DAAM1: variants seen among roughly 807,000 people sequenced by gnomAD.
DAAM1 encodes the protein disheveled-associated activator of morphogenesis 1.
Under a neutral mutation model 130.0 loss-of-function variants are expected in DAAM1, and 52 were observed. The observed-to-expected ratio is 0.40, with a 90% CI of 0.32 to 0.50. DAAM1 has a LOEUF of 0.50. Ranked by LOEUF, DAAM1 falls within the 20% of genes least tolerant of loss-of-function variation. The probability of loss-of-function intolerance (pLI) is 0.61; values close to 1 mark genes in which losing one functional copy is unlikely to be tolerated. For synonymous variants in DAAM1, 452 were observed against 444.5 expected (o/e 1.02, Z -0.21); for missense variants, 1,134 against 1,303.8 (o/e 0.87, Z 2.01).
intron 3 of DAAM1, among the ~76,000 whole-genome samples, chr14:59,309,831 C>T (rs1395378995): frequency 6.6e-6 from 1 of 152,162 alleles, no homozygotes; most frequent in Non-Finnish European, 1.5e-5. Flanking sequence ...CAAGGCCGCC[C>T]ACAAATATTT....
At chr14:59,237,865 A>G (rs1889349958) in intron 1 of DAAM1, among the ~76,000 whole-genome samples, 2 of 152,332 alleles carry the variant, frequency 1.3e-5, no homozygotes, top group Admixed American at 1.3e-4. Context: ...TGATATATTC[A>G]TAACTTGCTT....
In DAAM1 at chr14:59,330,705, A is replaced by G. The variant is rs1396250607; in HGVS notation, c.1560+17A>G. On this transcript the variant is annotated intron_variant, in intron 13 of 24. Coordinates refer to ENST00000360909, the MANE Select transcript of DAAM1 (RefSeq NM_001270520.2). ...CTCAGCAGGGTGAGGTCTTCCGCTC[A>G]GCTCACGGGCAGCTGCCAAGGCCTC... The G allele has an allele frequency of 1.9e-6, 3 of 1,589,758 alleles. No individual in the cohort carries two copies. The highest frequency in any genetic ancestry group is 2.6e-6 in the Non-Finnish European group (3 of 1,169,706).
At position 59,345,910 on chromosome 14, in the gene DAAM1, A is replaced by G. The variant is rs146545423; in HGVS notation, c.2076-1629A>G. On this transcript the variant is annotated intron_variant, in intron 16 of 24. Coordinates refer to ENST00000360909, the MANE Select transcript of DAAM1 (RefSeq NM_001270520.2). Reference sequence around the variant, plus strand: ...GGGTATGACAGTGCTTTGGAAAGTGATCATAATTACCATACTAAGCACTGT... The same window carrying G: ...GGGTATGACAGTGCTTTGGAAAGTGGTCATAATTACCATACTAAGCACTGT... Among the ~76,000 whole-genome samples the G allele has an allele frequency of 4.6e-5, 7 of 152,320 alleles. No homozygotes were observed. In the East Asian group the frequency reaches 1.3e-3, roughly 29 times the overall value.
intron 23 of DAAM1, 37 bp from the exon 24 acceptor site, chr14:59,367,392 A>G (rs1227278344): frequency 6.4e-7 from 1 of 1,561,870 alleles, no homozygotes; most frequent in African/African-American, 1.4e-5. Context: ...TGGAATTCTC[A>G]TGAAACATTG....
chr14:59,340,950 A>G (rs1594835338), intron 16 of DAAM1, among the ~76,000 whole-genome samples: 7 of 152,226 alleles, frequency 4.6e-5, no homozygotes, highest in Admixed American at 4.6e-4. Flanking sequence ...AAGATAAGTT[A>G]CATTCTGGAA....
chr14:59,219,330 G>A (rs569597593), intron 1 of DAAM1, among the ~76,000 whole-genome samples: 2 of 151,936 alleles, frequency 1.3e-5, no homozygotes, highest in East Asian at 1.9e-4. Flanking sequence ...GTCTTTTCTC[G>A]AGGGCTAGGA....
intron 16 of DAAM1, among the ~76,000 whole-genome samples, chr14:59,342,733 G>T (rs933864358): frequency 6.6e-6 from 1 of 152,174 alleles, no homozygotes; most frequent in Non-Finnish European, 1.5e-5. Flanking sequence ...CGCAGTTCAG[G>T]GCTTACACTG....
At chr14:59,296,930 G>A (rs1232509872) in intron 3 of DAAM1, among the ~76,000 whole-genome samples, 1 of 152,178 alleles carries the variant, frequency 6.6e-6, no homozygotes, top group Non-Finnish European at 1.5e-5. Context: ...GTCAGTGCAG[G>A]GGAAGACTAA....
At chr14:59,270,399 C>T (rs1882657549) in intron 2 of DAAM1, among the ~76,000 whole-genome samples, 1 of 152,068 alleles carries the variant, frequency 6.6e-6, no homozygotes, top group African/African-American at 2.4e-5. Context: ...AGGTGCTAGG[C>T]TCTTTTTAAC....
At chr14:59,281,399 C>T (rs1302747027) in intron 2 of DAAM1, among the ~76,000 whole-genome samples, 1 of 152,132 alleles carries the variant, frequency 6.6e-6, no homozygotes, top group African/African-American at 2.4e-5. Flanking sequence ...CGCTTTGTGC[C>T]CCTTCCCCAA....
At chr14:59,362,805 A>G (rs1166980902) in intron 22 of DAAM1, 3 of 152,130 alleles carry the variant, frequency 2.0e-5, no homozygotes, top group Non-Finnish European at 2.9e-5. Context: ...GTTTAAGTCA[A>G]TTGGTATACA....
At chr14:59,287,711 G>A (rs1883524287) in intron 2 of DAAM1, among the ~76,000 whole-genome samples, 1 of 152,084 alleles carries the variant, frequency 6.6e-6, no homozygotes, top group African/African-American at 2.4e-5. Flanking sequence ...CTAGGAATAT[G>A]CTTATCAAAG....
chr14:59,270,073 A>C (rs112782730), intron 2 of DAAM1, among the ~76,000 whole-genome samples: 2 of 152,186 alleles, frequency 1.3e-5, no homozygotes, highest in Non-Finnish European at 2.9e-5. Flanking sequence ...ATATTTTGCT[A>C]TCTGGTTAAA....
At position 59,260,317 on chromosome 14, in the gene DAAM1, G is replaced by A. The variant is rs565828236; in HGVS notation, c.-37-3124G>A. Among the ~76,000 whole-genome samples, 3 of 152,270 alleles carry A rather than the reference G, an allele frequency of 2.0e-5. No homozygotes were observed. The East Asian group carries it at 5.8e-4, about 29-fold the overall frequency. Reference sequence around the variant, plus strand: ...TGTGAAAATAGTATGTCTTCAATATGCCAACTTAGGAAGTGCAGAAGAGTC... The same window carrying A: ...TGTGAAAATAGTATGTCTTCAATATACCAACTTAGGAAGTGCAGAAGAGTC... On this transcript the variant is annotated intron_variant, in intron 1 of 24. Transcript: ENST00000360909.
intron 8 of DAAM1, among the ~76,000 whole-genome samples, chr14:59,325,268 T>C (rs1885164703): frequency 6.6e-6 from 1 of 152,182 alleles, no homozygotes; most frequent in Non-Finnish European, 1.5e-5. Flanking sequence ...TCAATACATA[T>C]GTGACTGAAT....
intron 3 of DAAM1, among the ~76,000 whole-genome samples, chr14:59,312,851 G>C (rs1293443506): frequency 6.6e-6 from 1 of 152,100 alleles, no homozygotes; most frequent in Admixed American, 6.5e-5. Context: ...CCTAGTGAAG[G>C]GCTCCCCCAT....
intron 8 of DAAM1, among the ~76,000 whole-genome samples, chr14:59,324,743 T>G (rs1885143934): frequency 6.6e-6 from 1 of 152,232 alleles, no homozygotes; most frequent in Non-Finnish European, 1.5e-5. Flanking sequence ...ACTCAATTTT[T>G]CTGAATTTTG....
chr14:59,251,683 T>TA (rs1201435248), intron 1 of DAAM1, among the ~76,000 whole-genome samples: 1 of 152,174 alleles, frequency 6.6e-6, no homozygotes, highest in Non-Finnish European at 1.5e-5. Context: ...AGGACAGTGT[T>TA]AGAGGCGACT....
intron 3 of DAAM1, among the ~76,000 whole-genome samples, chr14:59,313,074 C>A (rs1417950250): frequency 2.0e-5 from 3 of 152,136 alleles, no homozygotes; most frequent in Middle Eastern, 3.2e-3. Flanking sequence ...GTTCAGATCC[C>A]CTGTCTCCTC....
Sources: allele counts gnomAD v4.1 joint callset (sites outside exome capture counted in the v4.1 genomes callset), GRCh38; gene constraint gnomAD v4.1.1; transcripts MANE v1.5; gene names NCBI Gene and HGNC (gene_info 2026-07-23, HGNC 2026-07-21).